The following DLG2 variants were observed in gnomAD, a reference collection of about 807,000 sequenced individuals.
DLG2 encodes the protein discs large MAGUK scaffold protein 2, also known as disks large homolog 2.
A neutral mutation model predicts 132.5 loss-of-function variants in DLG2; 45 were observed. The ratio of observed to expected loss-of-function variants is 0.34; its 90% CI spans 0.27 to 0.44. DLG2 has a LOEUF of 0.44. Among genes scored for constraint, DLG2 ranks in the 20% least tolerant of loss-of-function variants. The pLI is 1.00. For missense variants in DLG2, 1,045 were observed against 1,196.9 expected, an observed-to-expected ratio of 0.87 and a Z score of 1.87; for synonymous variants, 424 against 419.6, an observed-to-expected ratio of 1.01 and a Z score of -0.13.
At chr11:85,560,446 T>G (rs2077174924) in intron 3 of DLG2, among the ~76,000 whole-genome samples, 1 of 151,880 alleles carries the variant, frequency 6.6e-6, no homozygotes, top group African/African-American at 2.4e-5. Context: ...TGGATGAACC[T>G]CAAAAACATT....
chr11:84,574,053 T>A (rs1385789768), intron 6 of DLG2, among the ~76,000 whole-genome samples: 1 of 152,042 alleles, frequency 6.6e-6, no homozygotes, highest in Non-Finnish European at 1.5e-5. Context: ...ACACAGCAAA[T>A]CAGTAGTGAC....
chr11:84,517,705 A>G (rs2099277984), intron 7 of DLG2, among the ~76,000 whole-genome samples: 1 of 152,042 alleles, frequency 6.6e-6, no homozygotes, highest in Admixed American at 6.6e-5. Flanking sequence ...ACTCCCATGT[A>G]TGTTGCAGCC....
intron 7 of DLG2, among the ~76,000 whole-genome samples, chr11:84,416,606 T>C (rs936074989): frequency 1.3e-5 from 2 of 152,208 alleles, no homozygotes; most frequent in Non-Finnish European, 2.9e-5. Context: ...TAAGACATTT[T>C]GAGATTTAAG....
intron 6 of DLG2, among the ~76,000 whole-genome samples, chr11:84,995,214 A>G (rs1219154709): frequency 6.6e-6 from 1 of 152,216 alleles, no homozygotes; most frequent in African/African-American, 2.4e-5. Context: ...AAGATGAAAC[A>G]TGATGACATT....
chr11:85,344,811 T>A (rs1206835360), intron 3 of DLG2, among the ~76,000 whole-genome samples: 1 of 152,180 alleles, frequency 6.6e-6, no homozygotes, highest in Non-Finnish European at 1.5e-5. Context: ...TAAATGTTTT[T>A]CAATTCCTGC....
chr11:85,582,839 T>A (rs2078642115), intron 3 of DLG2, among the ~76,000 whole-genome samples: 1 of 150,266 alleles, frequency 6.7e-6, no homozygotes, highest in Non-Finnish European at 1.5e-5. Flanking sequence ...GTTTTAAACT[T>A]TTAGGGACTC....
chr11:84,682,103 A>G (rs1012611047), intron 6 of DLG2, among the ~76,000 whole-genome samples: 6 of 152,118 alleles, frequency 3.9e-5, no homozygotes, highest in Admixed American at 3.9e-4. Flanking sequence ...TACCCACCCC[A>G]GGGAAGACAT....
intron 7 of DLG2, among the ~76,000 whole-genome samples, chr11:84,305,541 T>G (rs1023497031): frequency 1.3e-5 from 2 of 152,152 alleles, no homozygotes; most frequent in African/African-American, 4.8e-5. Context: ...AACTGGGTCT[T>G]ACTGATATGT....
At chr11:84,178,728 A>T (rs2096039288) in intron 8 of DLG2, among the ~76,000 whole-genome samples, 1 of 152,022 alleles carries the variant, frequency 6.6e-6, no homozygotes, top group African/African-American at 2.4e-5. Context: ...CTTCAAAAAC[A>T]ACAACAACAA....
chr11:84,180,859 C>A (rs1400017561), intron 8 of DLG2, among the ~76,000 whole-genome samples: 1 of 151,764 alleles, frequency 6.6e-6, no homozygotes, highest in Non-Finnish European at 1.5e-5. Flanking sequence ...CTTCCTCAGA[C>A]AAACAAAAAT....
At chr11:83,593,580 C>T in intron 19 of DLG2, among the ~76,000 whole-genome samples, 1 of 150,274 alleles carries the variant, frequency 6.7e-6, no homozygotes, top group African/African-American at 2.5e-5. Context: ...ACCAGCATGG[C>T]ACATGTATAC....
At position 83,676,812 on chromosome 11, in the gene DLG2, C is replaced by G. The variant is rs117142464; in HGVS notation, c.1826-43487G>C. On this transcript the variant is annotated intron_variant, in intron 18 of 27. Coordinates refer to ENST00000376104, the MANE Select transcript of DLG2 (RefSeq NM_001142699.3). ...GGCTGAGAAGGAATCACACTTGCAA[C>G]TAAGGGCCCATTTATCCATGTCCCT... Among the ~76,000 whole-genome samples, 1,278 of 152,272 alleles carry G rather than the reference C, an allele frequency of 8.4e-3. 8 individuals are homozygous for G. Among genetic ancestry groups the G allele is most frequent in the Non-Finnish European group, 0.013 (897 of 68,020 alleles).
Position 83,764,505 on chromosome 11 carries a change from T to G in DLG2, c.1825+22185A>C, listed in dbSNP as rs1238373547. Among the ~76,000 whole-genome samples the G allele has an allele frequency of 2.6e-5, 4 of 152,126 alleles. No homozygotes were observed. The East Asian group carries it at 7.7e-4, about 29-fold the overall frequency. Reference sequence around the variant, plus strand: ...GCAAATGTCACTGACCTTGCTGTGGTGGTGAGGTTGGATGGGAGTTACTCT... The same window carrying G: ...GCAAATGTCACTGACCTTGCTGTGGGGGTGAGGTTGGATGGGAGTTACTCT... On this transcript the variant is annotated intron_variant, in intron 18 of 27. Coordinates refer to ENST00000376104, the MANE Select transcript of DLG2 (RefSeq NM_001142699.3).
intron 7 of DLG2, among the ~76,000 whole-genome samples, chr11:84,337,297 C>G (rs77710680): frequency 0.014 from 2,117 of 152,228 alleles, 51 homozygotes; most frequent in African/African-American, 0.048. Context: ...AACCCCAGAG[C>G]AGAGCCTATG....
intron 5 of DLG2, among the ~76,000 whole-genome samples, chr11:85,117,253 A>G (rs1235002629): frequency 6.6e-6 from 1 of 152,050 alleles, no homozygotes; most frequent in Non-Finnish European, 1.5e-5. Context: ...CCAAAGACTG[A>G]GGAAAGTGTC....
At chr11:84,962,784 T>C (rs2052773315) in intron 6 of DLG2, among the ~76,000 whole-genome samples, 1 of 152,238 alleles carries the variant, frequency 6.6e-6, no homozygotes, top group African/African-American at 2.4e-5. Context: ...GTTGAAAGAA[T>C]GTGGGAAAGC....
chr11:83,986,678 A>C (rs1362007128), intron 11 of DLG2, among the ~76,000 whole-genome samples: 2 of 151,946 alleles, frequency 1.3e-5, no homozygotes, highest in Non-Finnish European at 2.9e-5. Context: ...TCCCACCGAC[A>C]GTGTAAAAGT....
chr11:84,407,623 A>C (rs2098862504), intron 7 of DLG2, among the ~76,000 whole-genome samples: 1 of 152,176 alleles, frequency 6.6e-6, no homozygotes, highest in African/African-American at 2.4e-5. Context: ...AATGAAAAAA[A>C]GAGGGCCTTG....
chr11:84,745,385 C>T (rs2065227483), intron 6 of DLG2, among the ~76,000 whole-genome samples: 1 of 152,152 alleles, frequency 6.6e-6, no homozygotes, highest in Non-Finnish European at 1.5e-5. Context: ...TCCCATCCTT[C>T]TTCCTGGTCT....
Sources: allele counts gnomAD v4.1 joint callset (sites outside exome capture counted in the v4.1 genomes callset), GRCh38; gene constraint gnomAD v4.1.1; transcripts MANE v1.5; gene names NCBI Gene and HGNC (gene_info 2026-07-23, HGNC 2026-07-21).